SLC6A11: variants seen among roughly 807,000 people sequenced by gnomAD.
SLC6A11 encodes the protein solute carrier family 6 member 11.
A neutral mutation model predicts 74.8 loss-of-function variants in SLC6A11; 25 were observed. The observed-to-expected ratio is 0.33, with a 90% CI of 0.24 to 0.47. The LOEUF (loss-of-function observed/expected upper bound fraction) is 0.47, where lower values mean the gene tolerates loss of function less well. SLC6A11 is among the 20% of genes least tolerant of loss of function. SLC6A11 has a pLI of 1.00. For synonymous variants in SLC6A11, 330 were observed against 330.2 expected (o/e 1.00, Z 0.01); for missense variants, 574 against 837.0 (o/e 0.69, Z 3.88).
intron 7 of SLC6A11, among the ~76,000 whole-genome samples, chr3:10,916,411 C>T (rs867946602): frequency 2.0e-4 from 31 of 152,296 alleles, no homozygotes; most frequent in Middle Eastern, 6.8e-3. Flanking sequence ...TTGTATTGCT[C>T]ACAAGTCTGC....
In SLC6A11 at chr3:10,918,015, C is replaced by T. The variant is rs1176714054; in HGVS notation, c.996-314C>T. Among the ~76,000 whole-genome samples the T allele has an allele frequency of 2.0e-5, 3 of 152,172 alleles. No homozygotes were observed. Among genetic ancestry groups the T allele is most frequent in the East Asian group, 3.9e-4 (2 of 5,172 alleles). ...CTCTCCTACCAGGGACTTGGAGGAG[C>T]GTCGGTGTGTTTCAGAGTATTTTCT... On this transcript the variant is annotated intron_variant, in intron 7 of 13. Transcript: ENST00000254488. This position sits in a 1 kb window ranked among gnomAD's most constrained non-coding sequence, Gnocchi z 4.5.
intron 6 of SLC6A11, among the ~76,000 whole-genome samples, chr3:10,875,473 C>A (rs1239619312): frequency 6.6e-6 from 1 of 152,168 alleles, no homozygotes; most frequent in African/African-American, 2.4e-5. Context: ...AACAGGACTG[C>A]AGTTCATTGC....
chr3:10,893,647 C>T (rs572331118), intron 6 of SLC6A11, among the ~76,000 whole-genome samples: 29 of 152,220 alleles, frequency 1.9e-4, no homozygotes, highest in African/African-American at 6.5e-4. Flanking sequence ...TGAGAAGTGT[C>T]GTGAACGCGT....
At chr3:10,863,619 T>A (rs1465122681) in intron 5 of SLC6A11, among the ~76,000 whole-genome samples, 7 of 152,218 alleles carry the variant, frequency 4.6e-5, no homozygotes, top group African/African-American at 7.2e-5. Context: ...TTGTTCTGCC[T>A]GGATGGCCTC....
intron 13 of SLC6A11, among the ~76,000 whole-genome samples, chr3:10,936,058 C>G (rs1044014597): frequency 6.6e-6 from 1 of 152,242 alleles, no homozygotes; most frequent in East Asian, 1.9e-4. Flanking sequence ...AGCGGCACTC[C>G]CTATTCACTC....
chr3:10,895,386 A>G (rs1035184537), intron 6 of SLC6A11, among the ~76,000 whole-genome samples: 1 of 152,082 alleles, frequency 6.6e-6, no homozygotes, highest in African/African-American at 2.4e-5. Flanking sequence ...ATATATGTGC[A>G]GGACATATGC....
intron 3 of SLC6A11, among the ~76,000 whole-genome samples, chr3:10,822,201 T>C (rs1365188608): frequency 1.3e-5 from 2 of 152,214 alleles, no homozygotes; most frequent in Admixed American, 1.3e-4. Context: ...ATATGTGAGA[T>C]GGAAGACATG....
At chr3:10,930,279 G>T (rs1226963608) in intron 10 of SLC6A11, among the ~76,000 whole-genome samples, 1 of 151,926 alleles carries the variant, frequency 6.6e-6, no homozygotes, top group Non-Finnish European at 1.5e-5. Context: ...GCTCAGTTCA[G>T]TCTCTTCTTC....
intron 10 of SLC6A11, among the ~76,000 whole-genome samples, chr3:10,931,948 G>A (rs1428431815): frequency 1.3e-5 from 2 of 152,160 alleles, no homozygotes; most frequent in South Asian, 2.1e-4. Flanking sequence ...AGTCCCCATG[G>A]CAGGCGCACA....
At chr3:10,858,371 G>A (rs958052013) in intron 5 of SLC6A11, among the ~76,000 whole-genome samples, 11 of 152,194 alleles carry the variant, frequency 7.2e-5, no homozygotes, top group African/African-American at 2.7e-4. Context: ...CCACCCCACA[G>A]GAAGTGGAAC....
intron 8 of SLC6A11, among the ~76,000 whole-genome samples, chr3:10,921,036 G>A (rs753047351): frequency 6.6e-6 from 1 of 152,214 alleles, no homozygotes. Context: ...AGAACACTCA[G>A]TGGGATGTCC....
chr3:10,876,801 C>T (rs1364271645), intron 6 of SLC6A11, among the ~76,000 whole-genome samples: 5 of 115,880 alleles, frequency 4.3e-5, no homozygotes, highest in South Asian at 2.8e-4. Context: ...AAAAAACAAA[C>T]GAGAACTAAC....
chr3:10,931,823 T>C (rs1695691657), intron 10 of SLC6A11, among the ~76,000 whole-genome samples: 1 of 152,202 alleles, frequency 6.6e-6, no homozygotes. Context: ...GGCATTGAGA[T>C]GTTTCTCCCT....
Position 10,896,324 on chromosome 3 carries a change from G to A in SLC6A11, c.892-15766G>A, listed in dbSNP as rs550369232. Among the ~76,000 whole-genome samples the A allele has an allele frequency of 7.9e-5, 12 of 152,356 alleles. No individual in the cohort carries two copies. In the South Asian group the frequency reaches 1.4e-3, roughly 18 times the overall value. ...CAAAGATGCTTTTTCAGGCCCAAAG[G>A]AATGACCCCTCTCTAGCCACTTAGC... is the stretch of plus-strand genomic sequence containing the variant. On this transcript the variant is annotated intron_variant, in intron 6 of 13. Transcript: ENST00000254488.
In SLC6A11 at chr3:10,864,267, T is replaced by C. The variant is rs369272521; in HGVS notation, c.757-10694T>C. 6.6e-5 allele frequency among the ~76,000 whole-genome samples: 10 copies of C among 151,716 alleles called. No homozygotes were observed. In the East Asian group the frequency reaches 1.6e-3, roughly 24 times the overall value. On this transcript the variant is annotated intron_variant, in intron 5 of 13. Coordinates refer to ENST00000254488, the MANE Select transcript of SLC6A11 (RefSeq NM_014229.3). ...AAGAGTGACACTATTCCCTAAGCTCTTAGATGTTAGATTTCTTACCCCAGC... is the reference window on the plus strand; with the variant it reads ...AAGAGTGACACTATTCCCTAAGCTCCTAGATGTTAGATTTCTTACCCCAGC...
chr3:10,902,010 A>T (rs964877961), intron 6 of SLC6A11, among the ~76,000 whole-genome samples: 1 of 152,220 alleles, frequency 6.6e-6, no homozygotes, highest in African/African-American at 2.4e-5. Context: ...GCCAGGCCAT[A>T]TAAGTTGTAT....
chr3:10,817,852 G>A (rs753100708), intron 1 of SLC6A11, among the ~76,000 whole-genome samples: 70 of 152,240 alleles, frequency 4.6e-4, no homozygotes, highest in African/African-American at 1.6e-3. Context: ...GACCCCCAAC[G>A]TGCCCTGTGC....
intron 5 of SLC6A11, among the ~76,000 whole-genome samples, chr3:10,847,495 C>T (rs924485048): frequency 2.0e-5 from 3 of 152,136 alleles, no homozygotes; most frequent in East Asian, 1.9e-4. Flanking sequence ...GGATGGGATG[C>T]GGTTTGCTGG....
Position 10,888,129 on chromosome 3 carries a change from C to CTCT in SLC6A11, c.891+13037_891+13039dup, listed in dbSNP as rs1465871004. On this transcript the variant is annotated intron_variant, in intron 6 of 13. Coordinates refer to ENST00000254488, the MANE Select transcript of SLC6A11 (RefSeq NM_014229.3). ...TTTCAGAGCAGCATGTGAATGCCTG[C>CTCT]TCTTCATTCTCCACTGTGTGACGTT... Among the ~76,000 whole-genome samples the CTCT allele has an allele frequency of 3.3e-5, 5 of 152,348 alleles. No individual in the cohort carries two copies. The East Asian group carries it at 9.6e-4, about 29-fold the overall frequency.
Sources: gnomAD v4.1 joint callset for allele counts (sites outside exome capture counted in the v4.1 genomes callset) on GRCh38, gnomAD v4.1.1 for gene constraint, Gnocchi (gnomAD v3.1) non-coding constraint, MANE v1.5 for transcripts, NCBI Gene and HGNC (gene_info 2026-07-23, HGNC 2026-07-21) for gene names.